Variants in NUDC observed in about 807,000 individuals in gnomAD.
NUDC encodes the protein nuclear migration protein nudC.
In NUDC, 14 loss-of-function variants were observed where a neutral mutation model predicts 45.0. The observed-to-expected ratio is 0.31, with a 90% CI of 0.21 to 0.49. The LOEUF is 0.49. NUDC is among the 20% of genes least tolerant of loss of function. NUDC has a pLI of 0.99. For synonymous variants in NUDC, 153 were observed against 156.7 expected (o/e 0.98, Z 0.17); for missense variants, 323 against 426.2 (o/e 0.76, Z 2.13).
chr1:26,919,200 C>T (rs1414903334), upstream of NUDC, among the ~76,000 whole-genome samples: 1 of 152,074 alleles, frequency 6.6e-6, no homozygotes, highest in African/African-American at 2.4e-5. Context: ...TCTCCCATCT[C>T]AGCCTTCTGA....
intron 2 of NUDC, among the ~76,000 whole-genome samples, chr1:26,931,537 T>C (rs979805282): frequency 1.4e-5 from 2 of 147,730 alleles, no homozygotes; most frequent in African/African-American, 2.5e-5. Context: ...TCCCAGCACT[T>C]TGGGAGGCCG....
chr1:26,911,182 T>C (rs1273106456), exon 3 of NUDC: 1 of 470,340 alleles, frequency 2.1e-6, no homozygotes, highest in East Asian at 6.9e-5. Flanking sequence ...ACTTGTCTGT[T>C]TCAATTCGGG....
intron 2 of NUDC, among the ~76,000 whole-genome samples, chr1:26,910,574 CT>C (rs966186125): frequency 3.9e-5 from 6 of 152,170 alleles, no homozygotes; most frequent in African/African-American, 1.2e-4. Context: ...AACTTGGCCC[CT>C]GTGACAAGAA....
intron 8 of NUDC, 90 bp downstream of exon 8, chr1:26,945,776 C>G: frequency 3.2e-6 from 3 of 931,240 alleles, no homozygotes; most frequent in South Asian, 2.6e-5. Context: ...TGCGCTGCCT[C>G]AGGAGCTGCC....
chr1:26,937,726 C>T (rs904178408), intron 2 of NUDC, among the ~76,000 whole-genome samples: 1 of 152,024 alleles, frequency 6.6e-6, no homozygotes, highest in African/African-American at 2.4e-5. Flanking sequence ...GATCATGGCT[C>T]ACTGGAGTCT....
intron 7 of NUDC, 34 bp downstream of exon 7, chr1:26,945,507 G>T: frequency 6.2e-7 from 1 of 1,612,086 alleles, no homozygotes; most frequent in Non-Finnish European, 8.5e-7. Context: ...GCTTCAGCAG[G>T]AAGGTGAGGG....
chr1:26,916,686 C>T (rs925585463), intron 3 of NUDC, among the ~76,000 whole-genome samples: 3 of 152,056 alleles, frequency 2.0e-5, no homozygotes, highest in Non-Finnish European at 4.4e-5. Flanking sequence ...TGGCCGGGCA[C>T]GGTGGCTCAC....
At chr1:26,912,031 G>A (rs770359977) in intron 3 of NUDC, 2 of 1,614,196 alleles carry the variant, frequency 1.2e-6, no homozygotes, top group South Asian at 1.1e-5. Flanking sequence ...ACAGCACCCA[G>A]TGAGCCTCCT....
chr1:26,920,196 T>TA (rs1321745111), upstream of NUDC, among the ~76,000 whole-genome samples: 1 of 152,076 alleles, frequency 6.6e-6, no homozygotes, highest in East Asian at 1.9e-4. Context: ...CTTTAAAAAA[T>TA]AGACTAGAAC....
At chr1:26,932,650 C>A (rs866137784) in intron 2 of NUDC, among the ~76,000 whole-genome samples, 2 of 152,032 alleles carry the variant, frequency 1.3e-5, no homozygotes, top group Admixed American at 1.3e-4. Context: ...GTGTACAGTT[C>A]AGTAGTGTTA....
At chr1:26,930,435 G>A (rs919998701) in intron 2 of NUDC, among the ~76,000 whole-genome samples, 2 of 152,216 alleles carry the variant, frequency 1.3e-5, no homozygotes, top group East Asian at 1.9e-4. Flanking sequence ...CTTTGCGGCC[G>A]CCATTGTACC....
At chr1:26,935,326 T>G (rs2082220309) in intron 2 of NUDC, among the ~76,000 whole-genome samples, 1 of 152,174 alleles carries the variant, frequency 6.6e-6, no homozygotes, top group Admixed American at 6.5e-5. Context: ...AGGGTATTCC[T>G]TCATAGCAGC....
intron 2 of NUDC, among the ~76,000 whole-genome samples, chr1:26,927,104 T>C (rs2082138726): frequency 6.6e-6 from 1 of 151,916 alleles, no homozygotes; most frequent in Non-Finnish European, 1.5e-5. Context: ...CTAACCTAGG[T>C]TGGGGGCTCA....
chr1:26,939,027 G>T (rs932114761), intron 2 of NUDC, among the ~76,000 whole-genome samples: 8 of 152,266 alleles, frequency 5.3e-5, no homozygotes, highest in South Asian at 2.1e-4. Flanking sequence ...TTGAGACAGG[G>T]TCTCCCTCTG....
In NUDC at chr1:26,900,433, G is replaced by A. The variant is rs755218164; in HGVS notation, c.-101+33G>A. The A allele has an allele frequency of 7.5e-6, 12 of 1,608,792 alleles. No homozygotes were observed. The South Asian group carries it at 9.9e-5, about 13-fold the overall frequency. The stretch of plus-strand genomic sequence containing the variant: ...GTCGCCTCCTCCTCCGCCTCGCCGG[G>A]CACCGCCATCTTGGATTGTCACATG... On this transcript the variant is annotated intron_variant, in intron 1 of 6. Transcript: ENST00000435827.
intron 2 of NUDC, among the ~76,000 whole-genome samples, chr1:26,938,558 G>T (rs550060698): frequency 1.3e-5 from 2 of 152,296 alleles, no homozygotes; most frequent in South Asian, 2.1e-4. Flanking sequence ...GGTACGTTTG[G>T]TGTTCTTTAA....
chr1:26,933,965 C>T lies in NUDC; in HGVS notation c.160-7492C>T, dbSNP rs137920258. Among the ~76,000 whole-genome samples the T allele has an allele frequency of 3.8e-3, 577 of 152,126 alleles. 3 individuals are homozygous for T. Among genetic ancestry groups the T allele is most frequent in the African/African-American group, 0.01 (424 of 41,496 alleles). ...GTCAGGAGATCAAGAACATCCTGGC[C>T]AACATGGTGAAACCCCAGCTCTCCT... On this transcript the variant is annotated intron_variant, in intron 2 of 8. Coordinates refer to ENST00000321265, the MANE Select transcript of NUDC (RefSeq NM_006600.4).
At chr1:26,923,345 G>A (rs1206361288) in intron 1 of NUDC, among the ~76,000 whole-genome samples, 3 of 152,184 alleles carry the variant, frequency 2.0e-5, no homozygotes, top group African/African-American at 4.8e-5. Context: ...AAGTCAAAAG[G>A]TAATATATGT....
At chr1:26,921,324 G>A (rs1557670336), upstream of NUDC, among the ~76,000 whole-genome samples, 1 of 152,324 alleles carries the variant, frequency 6.6e-6, no homozygotes, top group East Asian at 1.9e-4. Flanking sequence ...CCCTAGTCAA[G>A]TACGCAGTGA....
Sources: gnomAD v4.1 joint callset for allele counts (sites outside exome capture counted in the v4.1 genomes callset) on GRCh38, gnomAD v4.1.1 for gene constraint, MANE v1.5 for transcripts, NCBI Gene and HGNC (gene_info 2026-07-23, HGNC 2026-07-21) for gene names.